Variants in B3GAT1 observed in about 807,000 individuals in gnomAD.
B3GAT1 encodes the protein galactosylgalactosylxylosylprotein 3-beta-glucuronosyltransferase 1.
In B3GAT1, 11 loss-of-function variants were observed where a neutral mutation model predicts 28.4. The observed-to-expected ratio is 0.39, with a 90% CI of 0.24 to 0.64. The LOEUF (loss-of-function observed/expected upper bound fraction) is 0.64, where lower values mean the gene tolerates loss of function less well. Among genes scored for constraint, B3GAT1 ranks in the 30% least tolerant of loss-of-function variants. The probability of loss-of-function intolerance (pLI) is 0.50; values close to 1 mark genes in which losing one functional copy is unlikely to be tolerated. For synonymous variants in B3GAT1, 255 were observed against 223.1 expected (o/e 1.14, Z -1.27); for missense variants, 375 against 491.0 (o/e 0.76, Z 2.23).
At chr11:134,387,203 C>T (rs1565451629) in intron 2 of B3GAT1, 1 of 287,838 alleles carries the variant, frequency 3.5e-6, no homozygotes, top group Non-Finnish European at 6.6e-6. Flanking sequence ...CCCACTCCCT[C>T]CACTTCCCAC....
Position 134,382,749 on chromosome 11 carries a change from G to C in B3GAT1, c.879C>G (p.Thr293=). Residue 293 remains threonine, a synonymous_variant, in exon 4 of 6, where the codon ACC becomes ACG. Coordinates refer to ENST00000312527, the MANE Select transcript of B3GAT1 (RefSeq NM_054025.3). ...CTGCCTTGGGCTCCAGGTCGTTGAG[G>C]GTGACAAGTTCTCGAAGGAGGCTGC... ...QESSLLRELV[T]LNDLEPKAAN... is the part of the protein sequence containing the mutation. 1 of 1,614,072 alleles carries C rather than the reference G, an allele frequency of 6.2e-7. No homozygotes were observed. Among genetic ancestry groups the C allele is most frequent in the Non-Finnish European group, 8.5e-7 (1 of 1,179,968 alleles).
Position 134,393,079 on chromosome 11 carries a change from G to T in B3GAT1, c.-281-5139C>A, listed in dbSNP as rs889446477. 4.6e-5 allele frequency among the ~76,000 whole-genome samples: 7 copies of T among 152,146 alleles called. No individual in the cohort carries two copies. The East Asian group carries it at 9.6e-4, about 21-fold the overall frequency. ...GTGTGAACGCAAAATGTTCCCAAAG[G>T]CCTGCATGCGTGTGCGTGGTAGGTT... is the stretch of plus-strand genomic sequence containing the variant. On this transcript the variant is annotated intron_variant, in intron 1 of 5. Coordinates refer to ENST00000312527, the MANE Select transcript of B3GAT1 (RefSeq NM_054025.3). The surrounding 1 kb of genome is among the most constrained non-coding windows in gnomAD (Gnocchi z 4.0).
intron 1 of B3GAT1, among the ~76,000 whole-genome samples, chr11:134,401,170 G>A (rs895432083): frequency 5.3e-5 from 8 of 152,222 alleles, no homozygotes; most frequent in Admixed American, 1.3e-4. Flanking sequence ...AGCCACTGTG[G>A]AATGTGGTTT....
intron 1 of B3GAT1, among the ~76,000 whole-genome samples, chr11:134,399,748 G>A (rs1944575041): frequency 6.6e-6 from 1 of 152,200 alleles, no homozygotes; most frequent in Non-Finnish European, 1.5e-5. Context: ...AGTGCCGGTT[G>A]CAGCAAGGGT....
rs954665389 is a variant in B3GAT1, at chr11:134,380,496, G to A, written c.*266C>T. The A allele has an allele frequency of 6.6e-6, 1 of 152,652 alleles. No individual in the cohort carries two copies. Among genetic ancestry groups the A allele is most frequent in the Non-Finnish European group, 1.5e-5 (1 of 68,102 alleles). The allele number at this position is 152,652 out of a possible 1,614,324, so 9.5% of individuals were successfully genotyped here. A position where few individuals can be genotyped will look rare whatever the true frequency, so the allele number is the denominator to read the frequency against. Reference sequence around the variant, plus strand: ...GGGAGGTGCGCTGGAGCACCAGCTTGGCTGGTGCTGGACACCCCACCCTGG... The same window carrying A: ...GGGAGGTGCGCTGGAGCACCAGCTTAGCTGGTGCTGGACACCCCACCCTGG... On this transcript the variant is annotated 3_prime_UTR_variant, in exon 6 of 6. Coordinates refer to ENST00000312527, the MANE Select transcript of B3GAT1 (RefSeq NM_054025.3).
At chr11:134,402,911 T>TA (rs1944648602) in intron 1 of B3GAT1, among the ~76,000 whole-genome samples, 4 of 146,382 alleles carry the variant, frequency 2.7e-5, no homozygotes, top group Non-Finnish European at 6.0e-5. Flanking sequence ...AGACTCTGTT[T>TA]CAAAAAAAAA....
chr11:134,387,793 A>G lies in B3GAT1; in HGVS notation c.-134T>C. 6.5e-7 allele frequency: 1 copy of G among 1,539,424 alleles called. No individual in the cohort carries two copies. The highest frequency in any genetic ancestry group is 8.7e-7 in the Non-Finnish European group (1 of 1,146,708). On this transcript the variant is annotated 5_prime_UTR_variant, in exon 2 of 6. Transcript: ENST00000312527. The stretch of plus-strand genomic sequence containing the variant: ...GCCGGGCCGGCCAGGCATGGAGAGG[A>G]CAGAGCAGCTGAATGTTGGCTAGCA...
chr11:134,399,059 G>A (rs1944559295), intron 1 of B3GAT1, among the ~76,000 whole-genome samples: 1 of 152,180 alleles, frequency 6.6e-6, no homozygotes, highest in South Asian at 2.1e-4. Context: ...CCCTCCCCGG[G>A]GGGGCTCACT....
chr11:134,382,851 G>A lies in B3GAT1; in HGVS notation c.777C>T (p.Ala259=), dbSNP rs558795192. The A allele has an allele frequency of 1.3e-5, 21 of 1,614,182 alleles. No homozygotes were observed. Among genetic ancestry groups the A allele is most frequent in the Middle Eastern group, 1.6e-4 (1 of 6,062 alleles). The change falls in exon 4 of 6, where the codon GCC becomes GCT. Residue 259 remains alanine (A), a synonymous_variant. Transcript: ENST00000312527. ...RPFAIDMAGF[A]VNLRLILQRS... is the part of the protein sequence containing the mutation. ...GCTGCAGAATGAGCCGCAGGTTGAC[G>A]GCAAATCCAGCCATGTCTATTGCAA...
intron 1 of B3GAT1, among the ~76,000 whole-genome samples, chr11:134,404,820 G>A (rs527594047): frequency 2.6e-5 from 4 of 152,336 alleles, no homozygotes; most frequent in East Asian, 1.9e-4. Flanking sequence ...ATCGACAGGC[G>A]ATGAGTTAGG....
chr11:134,392,672 G>A (rs1426739530), intron 1 of B3GAT1, among the ~76,000 whole-genome samples: 2 of 152,178 alleles, frequency 1.3e-5, no homozygotes, highest in African/African-American at 4.8e-5. Flanking sequence ...CACCTCCAGA[G>A]AGGAATTTGT....
intron 1 of B3GAT1, among the ~76,000 whole-genome samples, chr11:134,407,623 C>A (rs904102595): frequency 1.3e-5 from 2 of 152,210 alleles, no homozygotes; most frequent in Non-Finnish European, 2.9e-5. Flanking sequence ...AGGCACTTGG[C>A]GCGGAGGCTG....
At chr11:134,407,096 C>T (rs905206230) in intron 1 of B3GAT1, among the ~76,000 whole-genome samples, 3 of 152,250 alleles carry the variant, frequency 2.0e-5, no homozygotes, top group Non-Finnish European at 2.9e-5. Context: ...GTGGCTGTTG[C>T]CCACTTGAAA....
chr11:134,403,356 C>T (rs1944658038), intron 1 of B3GAT1, among the ~76,000 whole-genome samples: 1 of 152,218 alleles, frequency 6.6e-6, no homozygotes, highest in Non-Finnish European at 1.5e-5. Context: ...ATGCTTCCCT[C>T]CCTCATAGTC....
chr11:134,405,267 CCCCCAAGGGGACCCCCCATCAG>C (rs933613238), intron 1 of B3GAT1, among the ~76,000 whole-genome samples: 20 of 152,266 alleles, frequency 1.3e-4, no homozygotes, highest in African/African-American at 4.8e-4. Context: ...TCGGAAGACG[CCCCCAAGGGGACCCCCCATCAG>C]CTACGGGGAC....
At chr11:134,382,639 C>T (rs1396104219) in intron 4 of B3GAT1, 71 bp downstream of exon 4, 26 of 1,535,208 alleles carry the variant, frequency 1.7e-5, no homozygotes, top group South Asian at 6.3e-5. Flanking sequence ...TTCCTTCTCC[C>T]GATCTGTAGG....
intron 1 of B3GAT1, among the ~76,000 whole-genome samples, chr11:134,407,384 G>A (rs1944754959): frequency 6.6e-6 from 1 of 152,232 alleles, no homozygotes; most frequent in South Asian, 2.1e-4. Context: ...CCCACGCCGT[G>A]CCGTCATGTC....
rs896653491 is a variant in B3GAT1, at chr11:134,387,773, GC to G, written c.-115del. 83 of 1,547,930 alleles carry G rather than the reference GC, an allele frequency of 5.4e-5. No individual in the cohort carries two copies. In the African/African-American group the frequency reaches 1.0e-3, roughly 19 times the overall value. On this transcript the variant is annotated 5_prime_UTR_variant, in exon 2 of 6. It removes the in-frame stop codon of an upstream open reading frame in the 5' UTR. Coordinates refer to ENST00000312527, the MANE Select transcript of B3GAT1 (RefSeq NM_054025.3). ...GGAGAAAAGAACAGGCATGGGCCGG[GC>G]CGGCCAGGCATGGAGAGGACAGAGC... is the stretch of plus-strand genomic sequence containing the variant.
rs74661803 is a variant in B3GAT1 at position 134,398,069 on chromosome 11, C to T, written c.-281-10129G>A. Among the ~76,000 whole-genome samples, 489 of 152,282 alleles carry T rather than the reference C, an allele frequency of 3.2e-3. 3 individuals are homozygous for T. The highest frequency in any genetic ancestry group is 0.011 in the African/African-American group (469 of 41,556). ...AAGAAAACCCCTGGGGTTGAGTATT[C>T]TGTTCTGACAGGGCATCGAGGCTGT... On this transcript the variant is annotated intron_variant, in intron 1 of 5. Coordinates refer to ENST00000312527, the MANE Select transcript of B3GAT1 (RefSeq NM_054025.3).
Sources: allele counts gnomAD v4.1 joint callset (sites outside exome capture counted in the v4.1 genomes callset), GRCh38; gene constraint gnomAD v4.1.1; non-coding constraint Gnocchi (gnomAD v3.1); transcripts MANE v1.5; gene names NCBI Gene and HGNC (gene_info 2026-07-23, HGNC 2026-07-21).